Variants in OTOG observed in about 807,000 individuals in gnomAD.
OTOG encodes the protein otogelin.
A neutral mutation model predicts 313.8 loss-of-function variants in OTOG; 296 were observed. The observed-to-expected ratio is 0.94, with a 90% CI of 0.86 to 1.04. OTOG has a LOEUF of 1.04. OTOG is among the 50% of genes least tolerant of loss of function. The pLI is 0.00. For synonymous variants in OTOG, 1,533 were observed against 1,554.9 expected (o/e 0.99, Z 0.33); for missense variants, 3,948 against 3,840.1 (o/e 1.03, Z -0.74).
At chr11:17,617,486 G>A (rs1853749818) in intron 39 of OTOG, among the ~76,000 whole-genome samples, 1 of 152,102 alleles carries the variant, frequency 6.6e-6, no homozygotes, top group South Asian at 2.1e-4. Context: ...TTCTTTAGTA[G>A]GTGTAGAGCT....
chr11:17,636,073 C>A (rs889545520), intron 47 of OTOG, among the ~76,000 whole-genome samples: 1 of 152,242 alleles, frequency 6.6e-6, no homozygotes, highest in African/African-American at 2.4e-5. Flanking sequence ...GCCACTGTGT[C>A]GCCATAGTGC....
intron 39 of OTOG, among the ~76,000 whole-genome samples, chr11:17,625,593 T>A (rs1853965329): frequency 6.6e-6 from 1 of 152,166 alleles, no homozygotes; most frequent in Admixed American, 6.6e-5. Context: ...ACTGTTCATG[T>A]CTTCTTTTGA....
At chr11:17,623,754 A>T (rs192893256) in intron 39 of OTOG, among the ~76,000 whole-genome samples, 1 of 152,082 alleles carries the variant, frequency 6.6e-6, no homozygotes, top group African/African-American at 2.4e-5. Flanking sequence ...ACTAATTTAT[A>T]CTCTCACCAA....
At position 17,645,631 on chromosome 11, in the gene OTOG, G is replaced by A. The variant is rs1159441044; in HGVS notation, c.8529G>A (p.Arg2843=). The A allele has an allele frequency of 6.4e-7, 1 of 1,550,702 alleles. No homozygotes were observed. Among genetic ancestry groups the A allele is most frequent in the Non-Finnish European group, 8.7e-7 (1 of 1,147,016 alleles). ...TGACCATCCGCAAGAATGAATGCAG[G>A]AGCAGCACCCCTGTGCGTGGTGCCC... ...IRMTIRKNEC[R]SSTPVNLVSC... Residue 2843 remains arginine, a synonymous_variant, in exon 55 of 56, where the codon AGG becomes AGA. Transcript: ENST00000399397.
chr11:17,573,151 C>G lies in OTOG; in HGVS notation c.2154C>G (p.Pro718=). The G allele has an allele frequency of 6.5e-7, 1 of 1,545,562 alleles. No homozygotes were observed. The highest frequency in any genetic ancestry group is 8.7e-7 in the Non-Finnish European group (1 of 1,146,930). The change falls in exon 19 of 56, where the codon CCC becomes CCG. Residue 718 remains proline (P), a synonymous_variant. Coordinates refer to ENST00000399397, the MANE Select transcript of OTOG (RefSeq NM_001292063.2). ...MFAPCSAFLS[P]VPYFEQCRRD... ...CGCCCTGCTCTGCGTTCCTGAGCCC[C>G]GTGCCCTACTTTGAGCAGTGCCGCA...
chr11:17,605,790 A>G, intron 32 of OTOG, 67 bp from the exon 33 acceptor site: 1 of 1,462,072 alleles, frequency 6.8e-7, no homozygotes, highest in Non-Finnish European at 9.2e-7. Context: ...GATGTGTGCC[A>G]GGATGCTGTT....
At chr11:17,587,908 T>C (rs1249007376) in intron 24 of OTOG, among the ~76,000 whole-genome samples, 1 of 152,038 alleles carries the variant, frequency 6.6e-6, no homozygotes, top group East Asian at 1.9e-4. Flanking sequence ...CTGAGATGGA[T>C]TCACTTCCAT....
At chr11:17,558,143 A>G in intron 8 of OTOG, 42 bp from the exon 9 acceptor site, 3 of 1,547,990 alleles carry the variant, frequency 1.9e-6, no homozygotes, top group East Asian at 2.4e-5. Flanking sequence ...CATCCACCCA[A>G]CCCCATCGCT....
intron 21 of OTOG, 108 bp downstream of exon 21, chr11:17,576,738 C>T: frequency 6.9e-7 from 1 of 1,451,520 alleles, no homozygotes; most frequent in East Asian, 2.5e-5. Flanking sequence ...CAGCCCTGCT[C>T]TGTGCAGGGA....
intron 23 of OTOG, among the ~76,000 whole-genome samples, chr11:17,581,585 G>A (rs900115860): frequency 6.6e-6 from 1 of 152,148 alleles, no homozygotes; most frequent in Admixed American, 6.5e-5. Flanking sequence ...AGCTTTTGAT[G>A]CCTCACTCTT....
In OTOG at chr11:17,634,155, G is replaced by A; in HGVS notation, c.7354G>A (p.Ala2452Thr). The A allele has an allele frequency of 1.3e-6, 2 of 1,549,940 alleles. No individual in the cohort carries two copies. Among genetic ancestry groups the A allele is most frequent in the Non-Finnish European group, 1.7e-6 (2 of 1,146,958 alleles). ...CGGCTGCTGCCAGCACCAGTGCCAA[G>A]CCCCAGACACCATTGTCCCGGTGGA... ...LSGCCQHQCQ[A>T]PDTIVPVDLG... Residue 2452 changes from alanine to threonine, a missense_variant, in exon 44 of 56, where the codon GCC becomes ACC. By Grantham distance (58) the Ala-to-Thr change is moderately conservative. Coordinates refer to ENST00000399397, the MANE Select transcript of OTOG (RefSeq NM_001292063.2).
At chr11:17,602,110 G>C in intron 31 of OTOG, 100 bp from the exon 32 acceptor site, 6 of 1,333,400 alleles carry the variant, frequency 4.5e-6, no homozygotes, top group Non-Finnish European at 5.1e-6. Context: ...CTCCTTGGTA[G>C]CTTGCCCTCC....
chr11:17,581,964 A>G (rs1003297676), intron 23 of OTOG, among the ~76,000 whole-genome samples: 13 of 151,596 alleles, frequency 8.6e-5, no homozygotes, highest in African/African-American at 3.2e-4. Context: ...CTCTTCCTTA[A>G]CTCTTGAGGT....
chr11:17,560,787 G>A lies in OTOG; in HGVS notation c.1421G>A (p.Gly474Asp), dbSNP rs1039177831. The part of the protein sequence containing the change: ...CEFHGTLYPP[G>D]SVVKEDCNTC... ...TTTCACGGGACTCTGTACCCACCTG[G>A]CTCTGTGGTGAAGGAAGACTGCAAT... Residue 474 changes from glycine (G) to aspartate (D), a missense_variant, in exon 13 of 56, where the codon GGC becomes GAC. Coordinates refer to ENST00000399397, the MANE Select transcript of OTOG (RefSeq NM_001292063.2). The A allele has an allele frequency of 2.6e-6, 4 of 1,550,740 alleles. No homozygotes were observed. The Admixed American group carries it at 5.9e-5, about 23-fold the overall frequency.
At chr11:17,570,924 T>C (rs1852390872) in intron 17 of OTOG, among the ~76,000 whole-genome samples, 1 of 152,154 alleles carries the variant, frequency 6.6e-6, no homozygotes, top group African/African-American at 2.4e-5. Flanking sequence ...TGAAGGCTCT[T>C]GAGTTTGCAC....
At chr11:17,638,360 G>T (rs56271762) in intron 47 of OTOG, 91 bp from the exon 48 acceptor site, 2 of 1,091,690 alleles carry the variant, frequency 1.8e-6, no homozygotes, top group African/African-American at 1.6e-5. Context: ...GGAGCTGGGG[G>T]TAGCCTCTCT....
chr11:17,633,053 C>T (rs76678913), intron 42 of OTOG, among the ~76,000 whole-genome samples: 4,551 of 152,220 alleles, frequency 0.03, 191 homozygotes, highest in South Asian at 0.094. Flanking sequence ...TATATAGAAG[C>T]GATTTTCAAT....
chr11:17,588,815 G>A (rs1021368632), intron 24 of OTOG, among the ~76,000 whole-genome samples: 34 of 151,936 alleles, frequency 2.2e-4, no homozygotes, highest in African/African-American at 7.2e-4. Flanking sequence ...AGATCTTGCC[G>A]TTCCCAACAA....
chr11:17,605,148 T>G (rs1853351259), intron 32 of OTOG, among the ~76,000 whole-genome samples: 1 of 152,230 alleles, frequency 6.6e-6, no homozygotes, highest in African/African-American at 2.4e-5. Flanking sequence ...TCCCTGTGCC[T>G]GCTTGTGGAT....
Sources: gnomAD v4.1 joint callset for allele counts (sites outside exome capture counted in the v4.1 genomes callset) on GRCh38, gnomAD v4.1.1 for gene constraint, MANE v1.5 for transcripts, NCBI Gene and HGNC (gene_info 2026-07-23, HGNC 2026-07-21) for gene names.